The following AFG2A variants were observed in gnomAD, a reference collection of about 807,000 sequenced individuals.
The protein encoded by AFG2A is ATPase family gene 2 protein homolog A.
the AFG2A span, among the ~76,000 whole-genome samples, chr4:123,062,996 T>C: frequency 3.5e-4 from 54 of 152,348 alleles, no homozygotes; most frequent in East Asian, 8.7e-3. Flanking sequence ...CTGAATCTTA[T>C]GTAGTTTGTT....
At chr4:122,936,160 CTCTT>C in the AFG2A span, 115 of 1,594,816 alleles carry the variant, frequency 7.2e-5, no homozygotes, top group Admixed American at 1.9e-3. Context: ...CTCTACGGTA[CTCTT>C]TATTTTTAAA....
the AFG2A span, among the ~76,000 whole-genome samples, chr4:123,269,963 C>T: frequency 6.6e-6 from 1 of 152,090 alleles, no homozygotes; most frequent in African/African-American, 2.4e-5. Flanking sequence ...ACTACATATG[C>T]CCGCCACCAC....
At chr4:123,299,521 G>A in the AFG2A span, among the ~76,000 whole-genome samples, 109,865 of 152,080 alleles carry the variant, frequency 0.72, 40,916 homozygotes, top group Non-Finnish European at 0.81. Flanking sequence ...ATCATTCATA[G>A]TAGAGAGTAC....
At chr4:123,184,282 A>G in the AFG2A span, among the ~76,000 whole-genome samples, 1 of 152,162 alleles carries the variant, frequency 6.6e-6, no homozygotes. Flanking sequence ...ATCTATACAC[A>G]CTACTATGAT....
the AFG2A span, among the ~76,000 whole-genome samples, chr4:122,938,754 C>A: frequency 6.6e-6 from 1 of 151,922 alleles, no homozygotes; most frequent in South Asian, 2.1e-4. Flanking sequence ...TCACACCTGG[C>A]TAATTTTTTT....
the AFG2A span, among the ~76,000 whole-genome samples, chr4:123,079,788 T>G: frequency 6.7e-6 from 1 of 148,404 alleles, no homozygotes; most frequent in Non-Finnish European, 1.5e-5. Flanking sequence ...TTACCCTTGT[T>G]GCCCAGGCTG....
At chr4:122,938,219 A>C in the AFG2A span, 2 of 1,606,288 alleles carry the variant, frequency 1.2e-6, no homozygotes, top group Non-Finnish European at 1.7e-6. Context: ...TTGTGGCTTC[A>C]CTCTTAACAC....
the AFG2A span, chr4:122,979,531 C>A: frequency 1.1e-6 from 1 of 950,578 alleles, no homozygotes; most frequent in Non-Finnish European, 1.5e-6. Flanking sequence ...GCTGTAAATT[C>A]AGTGCAGTTA....
At chr4:123,209,309 T>C in the AFG2A span, among the ~76,000 whole-genome samples, 1 of 152,098 alleles carries the variant, frequency 6.6e-6, no homozygotes, top group African/African-American at 2.4e-5. Flanking sequence ...CTATCAGGTG[T>C]ATGTTGCAGA....
the AFG2A span, among the ~76,000 whole-genome samples, chr4:123,220,211 G>A: frequency 6.6e-6 from 1 of 152,110 alleles, no homozygotes; most frequent in South Asian, 2.1e-4. Context: ...AAGAATTTGG[G>A]ACCCAAAAGC....
the AFG2A span, chr4:122,933,613 A>G: frequency 3.2e-5 from 24 of 741,440 alleles, no homozygotes; most frequent in Middle Eastern, 5.5e-4. Flanking sequence ...AGCTTTGAGA[A>G]TATTCCCCTC....
the AFG2A span, among the ~76,000 whole-genome samples, chr4:123,078,639 A>G: frequency 6.6e-6 from 1 of 152,188 alleles, no homozygotes; most frequent in African/African-American, 2.4e-5. Flanking sequence ...GTAACTTGCA[A>G]GGCCATGTCA....
the AFG2A span, among the ~76,000 whole-genome samples, chr4:123,000,469 G>A: frequency 1.3e-4 from 19 of 151,526 alleles, no homozygotes; most frequent in Admixed American, 1.3e-4. Context: ...ATTATTTTGA[G>A]ATACGTCCCA....
the AFG2A span, among the ~76,000 whole-genome samples, chr4:123,283,358 A>AAGAGAGAGAG: frequency 1.3e-5 from 2 of 149,108 alleles, no homozygotes; most frequent in African/African-American, 4.9e-5. Flanking sequence ...GGAAAAAAAA[A>AAGAGAGAGAG]AGAGAGAGAG....
the AFG2A span, among the ~76,000 whole-genome samples, chr4:123,015,808 GGGCT>G: frequency 1.5e-4 from 8 of 53,522 alleles, no homozygotes; most frequent in Admixed American, 1.7e-3. Flanking sequence ...CTCGGGTGGG[GGGCT>G]GACCCCCCCA....
At chr4:123,123,794 A>T in the AFG2A span, among the ~76,000 whole-genome samples, 1 of 151,280 alleles carries the variant, frequency 6.6e-6, no homozygotes, top group Non-Finnish European at 1.5e-5. Context: ...AAAAAAAAAA[A>T]TACAAAAATT....
At chr4:123,075,986 A>AC in the AFG2A span, among the ~76,000 whole-genome samples, 19 of 145,176 alleles carry the variant, frequency 1.3e-4, no homozygotes, top group African/African-American at 2.7e-4. Flanking sequence ...CAAAAAAAAA[A>AC]ACAAAAAAAA....
At chr4:123,262,339 T>C in the AFG2A span, among the ~76,000 whole-genome samples, 1 of 152,210 alleles carries the variant, frequency 6.6e-6, no homozygotes, top group African/African-American at 2.4e-5. Flanking sequence ...TTGAGTACCC[T>C]AACTCTATGA....
At chr4:122,978,538 C>T in the AFG2A span, among the ~76,000 whole-genome samples, 3 of 152,230 alleles carry the variant, frequency 2.0e-5, no homozygotes, top group African/African-American at 7.2e-5. Context: ...CCAGCTCTGA[C>T]AGCCTGCCCT....
Sources: gnomAD v4.1 joint callset for allele counts (sites outside exome capture counted in the v4.1 genomes callset) on GRCh38, gnomAD v4.1.1 for gene constraint, MANE v1.5 for transcripts, NCBI Gene and HGNC (gene_info 2026-07-23, HGNC 2026-07-21) for gene names.